CAMK2D: variants seen among roughly 807,000 people sequenced by gnomAD.
CAMK2D encodes the protein calcium/calmodulin-dependent protein kinase type II subunit delta.
CAMK2D carries 37 observed loss-of-function variants against 84.0 expected under a neutral mutation model. The observed-to-expected ratio is 0.44, with a 90% CI of 0.34 to 0.58. The LOEUF (loss-of-function observed/expected upper bound fraction) is 0.58, where lower values mean the gene tolerates loss of function less well. Among genes scored for constraint, CAMK2D ranks in the 20% least tolerant of loss-of-function variants. CAMK2D has a pLI of 0.02. For synonymous variants in CAMK2D, 202 were observed against 212.5 expected (o/e 0.95, Z 0.43); for missense variants, 448 against 652.5 (o/e 0.69, Z 3.41).
At chr4:113,649,303 T>G (rs539481318) in intron 3 of CAMK2D, among the ~76,000 whole-genome samples, 1 of 152,330 alleles carries the variant, frequency 6.6e-6, no homozygotes, top group South Asian at 2.1e-4. Context: ...GTCGACTAAA[T>G]AAATCTTAAT....
chr4:113,451,433 A>T lies in CAMK2D; in HGVS notation c.*3112T>A, dbSNP rs1199249083. 1 of 152,196 alleles carries T rather than the reference A, an allele frequency of 6.6e-6. No individual in the cohort carries two copies. Among genetic ancestry groups the T allele is most frequent in the Non-Finnish European group, 1.5e-5 (1 of 68,018 alleles). The allele number at this position is 152,196 out of a possible 1,614,324, so 9.4% of individuals were successfully genotyped here. A position where few individuals can be genotyped will look rare whatever the true frequency, so the allele number is the denominator to read the frequency against. On this transcript the variant is annotated 3_prime_UTR_variant, in exon 21 of 21. Coordinates refer to ENST00000511664, the MANE Select transcript of CAMK2D (RefSeq NM_001321571.2). ...TTTAATTTCTATCAAATATCATTCT[A>T]GTCACTCTGTACCCATTAATCCTCA... is the stretch of plus-strand genomic sequence containing the variant.
chr4:113,451,830 A>G lies in CAMK2D; in HGVS notation c.*2715T>C, dbSNP rs1203079132. 1.3e-5 allele frequency: 2 copies of G among 152,220 alleles called. No homozygotes were observed. The highest frequency in any genetic ancestry group is 2.9e-5 in the Non-Finnish European group (2 of 68,046). The allele number at this position is 152,220 out of a possible 1,614,324, so 9.4% of individuals were successfully genotyped here. A position where few individuals can be genotyped will look rare whatever the true frequency, so the allele number is the denominator to read the frequency against. Reference sequence around the variant, plus strand: ...TCTATTATGTAGGTTTTGAGAGGGAAGGCAAGCCCAGAATAGGGCCTAGGA... The same window carrying G: ...TCTATTATGTAGGTTTTGAGAGGGAGGGCAAGCCCAGAATAGGGCCTAGGA... On this transcript the variant is annotated 3_prime_UTR_variant, in exon 21 of 21. Coordinates refer to ENST00000511664, the MANE Select transcript of CAMK2D (RefSeq NM_001321571.2).
intron 3 of CAMK2D, among the ~76,000 whole-genome samples, chr4:113,649,854 G>C (rs2099165978): frequency 6.6e-6 from 1 of 152,156 alleles, no homozygotes; most frequent in Non-Finnish European, 1.5e-5. Flanking sequence ...GGCCGAGGTG[G>C]GCAGATCACC....
chr4:113,545,790 T>C (rs1446804905), intron 6 of CAMK2D, among the ~76,000 whole-genome samples: 3 of 152,206 alleles, frequency 2.0e-5, no homozygotes, highest in Admixed American at 2.0e-4. Flanking sequence ...CTCATTTCTG[T>C]CCTTTCCCAG....
intron 7 of CAMK2D, among the ~76,000 whole-genome samples, chr4:113,533,926 T>A (rs2098473569): frequency 6.6e-6 from 1 of 151,872 alleles, no homozygotes; most frequent in Non-Finnish European, 1.5e-5. Context: ...ATAAACAGCT[T>A]CCATAATGCT....
At chr4:113,472,521 G>A (rs1409833011) in intron 16 of CAMK2D, among the ~76,000 whole-genome samples, 1 of 152,202 alleles carries the variant, frequency 6.6e-6, no homozygotes, top group Non-Finnish European at 1.5e-5. Flanking sequence ...CAAGAGGGTT[G>A]AGTGCAAAGA....
At chr4:113,532,146 C>T (rs77173776) in intron 7 of CAMK2D, among the ~76,000 whole-genome samples, 1,822 of 152,084 alleles carry the variant, frequency 0.012, 35 homozygotes, top group African/African-American at 0.041. Context: ...AAACTTTTTC[C>T]CCATTTCTGT....
chr4:113,657,039 C>T (rs2099204218), intron 3 of CAMK2D, among the ~76,000 whole-genome samples: 1 of 152,134 alleles, frequency 6.6e-6, no homozygotes, highest in Non-Finnish European at 1.5e-5. Context: ...TAGTCCAGTT[C>T]AGCAACTCCC....
At chr4:113,509,778 G>T in intron 12 of CAMK2D, 103 bp from the exon 13 acceptor site, 1 of 800,844 alleles carries the variant, frequency 1.2e-6, no homozygotes, top group Non-Finnish European at 2.2e-6. Flanking sequence ...CCTTTGCTGA[G>T]TTCTGGCCAA....
intron 2 of CAMK2D, among the ~76,000 whole-genome samples, chr4:113,729,331 C>T (rs1424673397): frequency 6.6e-6 from 1 of 152,174 alleles, no homozygotes; most frequent in Non-Finnish European, 1.5e-5. Context: ...CGTTTCTCAC[C>T]ATGAGCCGGA....
At chr4:113,689,618 G>C (rs1219630622) in intron 2 of CAMK2D, among the ~76,000 whole-genome samples, 2 of 151,944 alleles carry the variant, frequency 1.3e-5, no homozygotes, top group East Asian at 3.9e-4. Context: ...TTTTTTCTCT[G>C]GCTTAAATAT....
At chr4:113,549,775 A>G (rs1368163670) in intron 5 of CAMK2D, among the ~76,000 whole-genome samples, 1 of 152,316 alleles carries the variant, frequency 6.6e-6, no homozygotes, top group East Asian at 1.9e-4. Flanking sequence ...CTAAAGAAAA[A>G]TCTTGAATTT....
rs367960396 is a variant in CAMK2D at position 113,547,633 on chromosome 4, G to C, written c.414+11C>G. On this transcript the variant is annotated intron_variant, in intron 6 of 20. Transcript: ENST00000511664. The stretch of plus-strand genomic sequence containing the variant: ...GTGTGGTGGTTTATCTTCTTCAACC[G>C]CATTACTCACCTTCAGGTCCCGATG... 5 of 1,527,672 alleles carry C rather than the reference G, an allele frequency of 3.3e-6. No individual in the cohort carries two copies. In the South Asian group the frequency reaches 5.9e-5, roughly 18 times the overall value. The allele number at this position is 1,527,672 out of a possible 1,614,324, so 94.6% of individuals were successfully genotyped here.
chr4:113,614,115 A>G (rs2099012075), intron 3 of CAMK2D, among the ~76,000 whole-genome samples: 1 of 152,126 alleles, frequency 6.6e-6, no homozygotes, highest in Non-Finnish European at 1.5e-5. Flanking sequence ...TACAAAGTCA[A>G]TGTTTTCTAT....
chr4:113,733,612 T>C (rs1167567707), intron 2 of CAMK2D, among the ~76,000 whole-genome samples: 1 of 152,200 alleles, frequency 6.6e-6, no homozygotes, highest in East Asian at 1.9e-4. Context: ...AGAAATTAAT[T>C]TGCCTTTCTA....
At chr4:113,477,984 C>T (rs904019329) in intron 16 of CAMK2D, among the ~76,000 whole-genome samples, 1 of 151,924 alleles carries the variant, frequency 6.6e-6, no homozygotes, top group Non-Finnish European at 1.5e-5. Context: ...ATGACTCCTT[C>T]AAAAGATGAA....
intron 3 of CAMK2D, among the ~76,000 whole-genome samples, chr4:113,633,745 T>C (rs2099099532): frequency 6.6e-6 from 1 of 152,172 alleles, no homozygotes; most frequent in African/African-American, 2.4e-5. Context: ...TGGGTAACTG[T>C]GGGCAAAGTG....
At chr4:113,647,069 T>G (rs2099154919) in intron 3 of CAMK2D, among the ~76,000 whole-genome samples, 1 of 152,228 alleles carries the variant, frequency 6.6e-6, no homozygotes, top group Non-Finnish European at 1.5e-5. Context: ...TAGTAACACA[T>G]CACTGATTCA....
At chr4:113,688,075 C>T (rs1468162306) in intron 2 of CAMK2D, among the ~76,000 whole-genome samples, 1 of 152,106 alleles carries the variant, frequency 6.6e-6, no homozygotes, top group Non-Finnish European at 1.5e-5. Flanking sequence ...ACTGATTTTC[C>T]ATGGTTCCTA....
Sources: gnomAD v4.1 joint callset for allele counts (sites outside exome capture counted in the v4.1 genomes callset) on GRCh38, gnomAD v4.1.1 for gene constraint, MANE v1.5 for transcripts, NCBI Gene and HGNC (gene_info 2026-07-23, HGNC 2026-07-21) for gene names.